The following VOPP1 variants were observed in gnomAD, a reference collection of about 807,000 sequenced individuals.
The protein encoded by VOPP1 is VOPP1 WW domain binding protein, also known as WW domain binding protein VOPP1.
Under a neutral mutation model 23.5 loss-of-function variants are expected in VOPP1, and 8 were observed. That is an observed-to-expected ratio of 0.34 (90% CI 0.20 to 0.61). The LOEUF (loss-of-function observed/expected upper bound fraction) is 0.61, where lower values mean the gene tolerates loss of function less well. VOPP1 is among the 20% of genes least tolerant of loss of function. The pLI, the probability that VOPP1 is intolerant of heterozygous loss-of-function variation, is 0.78. For synonymous variants in VOPP1, 83 were observed against 97.3 expected (o/e 0.85, Z 0.86); for missense variants, 174 against 238.1 (o/e 0.73, Z 1.77).
At chr7:55,467,440 C>T (rs926327663), downstream of VOPP1, among the ~76,000 whole-genome samples, 2 of 152,212 alleles carry the variant, frequency 1.3e-5, no homozygotes, top group Non-Finnish European at 2.9e-5. Flanking sequence ...GGCCTCAATG[C>T]GGAGCCTCTC....
Position 55,471,006 on chromosome 7 carries a change from C to T in VOPP1, c.*1849G>A, listed in dbSNP as rs1413058143. ...CATAATTTGCTATCAAAAAGACAAA[C>T]GAAATTTAGTCACGGACTTTTGGGT... On this transcript the variant is annotated 3_prime_UTR_variant, in exon 5 of 5. Transcript: ENST00000285279. The T allele has an allele frequency of 2.0e-5, 3 of 152,550 alleles. No homozygotes were observed. The highest frequency in any genetic ancestry group is 6.5e-5 in the Admixed American group (1 of 15,288). 9.4% of individuals were successfully genotyped at this position (152,550 alleles called of 1,614,324 possible). A position where few individuals can be genotyped will look rare whatever the true frequency, so the allele number is the denominator to read the frequency against.
intron 1 of VOPP1, among the ~76,000 whole-genome samples, chr7:55,538,439 T>C (rs1034675428): frequency 6.6e-6 from 1 of 152,228 alleles, no homozygotes; most frequent in African/African-American, 2.4e-5. Context: ...GCTAACTTGA[T>C]GCTCAAATAC....
Position 55,510,107 on chromosome 7 carries a change from C to T in VOPP1, c.113+10965G>A, listed in dbSNP as rs527758093. ...GAATTTTTATTTCTGCAACCAGTTACTGGTAGAAGGCCTGGAAATTATGGC... is the reference window on the plus strand; with the variant it reads ...GAATTTTTATTTCTGCAACCAGTTATTGGTAGAAGGCCTGGAAATTATGGC... On this transcript the variant is annotated intron_variant, in intron 2 of 4. Transcript: ENST00000285279. 7.9e-5 allele frequency among the ~76,000 whole-genome samples: 12 copies of T among 152,310 alleles called. No homozygotes were observed. In the South Asian group the frequency reaches 2.5e-3, roughly 32 times the overall value.
intron 1 of VOPP1, among the ~76,000 whole-genome samples, chr7:55,547,984 A>G (rs541611110): frequency 1.3e-5 from 2 of 152,112 alleles, no homozygotes; most frequent in South Asian, 4.1e-4. Flanking sequence ...ATTCCCCTCC[A>G]AGGGCTTTCT....
intron 1 of VOPP1, among the ~76,000 whole-genome samples, chr7:55,555,253 G>A (rs575208602): frequency 1.3e-5 from 2 of 152,318 alleles, no homozygotes; most frequent in East Asian, 3.9e-4. Context: ...AGGAGAGGGA[G>A]GGTGCTCTGC....
intron 1 of VOPP1, among the ~76,000 whole-genome samples, 166 bp downstream of exon 1, chr7:55,572,105 G>C (rs918375216): frequency 1.5e-4 from 23 of 151,510 alleles, no homozygotes; most frequent in Non-Finnish European, 3.1e-4. Flanking sequence ...CGTCACCAGG[G>C]TCCCGCACCT....
intron 1 of VOPP1, among the ~76,000 whole-genome samples, chr7:55,533,624 C>T (rs1343218265): frequency 6.6e-6 from 1 of 152,164 alleles, no homozygotes; most frequent in East Asian, 1.9e-4. Context: ...GCCTCAGCTT[C>T]TTCAGATGGA....
intron 1 of VOPP1, among the ~76,000 whole-genome samples, chr7:55,545,863 G>A (rs1584093504): frequency 1.3e-5 from 2 of 152,110 alleles, no homozygotes; most frequent in East Asian, 3.9e-4. Context: ...GAGCCCAGGA[G>A]TTTGAGACCA....
At chr7:55,538,873 A>G (rs1217028696) in intron 1 of VOPP1, among the ~76,000 whole-genome samples, 1 of 151,910 alleles carries the variant, frequency 6.6e-6, no homozygotes, top group Non-Finnish European at 1.5e-5. Context: ...ATATGATCCC[A>G]TCTGTGTACT....
chr7:55,524,621 C>T (rs143516618), intron 1 of VOPP1, among the ~76,000 whole-genome samples: 1 of 152,176 alleles, frequency 6.6e-6, no homozygotes. Flanking sequence ...AACTGAAAAA[C>T]GCCAAAATGA....
At position 55,492,417 on chromosome 7, in the gene VOPP1, A is replaced by T. The variant is rs751331179; in HGVS notation, c.193T>A (p.Phe65Ile). Residue 65 changes from phenylalanine to isoleucine, a missense_variant and splice_region_variant, in exon 4 of 5, where the codon TTC (phenylalanine) becomes ATC (isoleucine). Phe to Ile is a conservative substitution (Grantham distance 21). Transcript: ENST00000285279. ...LSIQRLWYFWFLLMMGVLFCC... is the reference protein window; with the variant it reads ...LSIQRLWYFWILLMMGVLFCC... ...AAAAGCACGCCCATCATCAGAAGGA[A>T]CCTGAGGAGAGTACAGACGTGAGGG... The T allele has an allele frequency of 6.2e-7, 1 of 1,610,252 alleles. No individual in the cohort carries two copies. The highest frequency in any genetic ancestry group is 1.1e-5 in the South Asian group (1 of 90,134).
intron 2 of VOPP1, among the ~76,000 whole-genome samples, chr7:55,508,153 C>T (rs1160492826): frequency 6.6e-6 from 1 of 152,090 alleles, no homozygotes; most frequent in African/African-American, 2.4e-5. Context: ...CCATTTTAAC[C>T]CTTGAGGAGC....
At chr7:55,540,861 G>C (rs1797103634) in intron 1 of VOPP1, among the ~76,000 whole-genome samples, 1 of 152,090 alleles carries the variant, frequency 6.6e-6, no homozygotes, top group Non-Finnish European at 1.5e-5. Flanking sequence ...ATCTCAAAAA[G>C]GGTCTGAGAA....
intron 1 of VOPP1, among the ~76,000 whole-genome samples, chr7:55,560,281 C>T (rs532664041): frequency 1.3e-5 from 2 of 152,306 alleles, no homozygotes; most frequent in African/African-American, 4.8e-5. Context: ...AAGATGTCAT[C>T]GTCCTAATCC....
chr7:55,464,079 G>A (rs756777829), intron 4 of VOPP1, among the ~76,000 whole-genome samples: 1 of 152,142 alleles, frequency 6.6e-6, no homozygotes, highest in African/African-American at 2.4e-5. Context: ...CACAGGCTGT[G>A]GTGGGTTGAA....
intron 3 of VOPP1, among the ~76,000 whole-genome samples, chr7:55,494,160 A>G (rs1793780559): frequency 6.6e-6 from 1 of 152,188 alleles, no homozygotes; most frequent in Non-Finnish European, 1.5e-5. Context: ...TGGTGATGTA[A>G]GGCTTAATGT....
At chr7:55,546,817 GC>G (rs1298965159) in intron 1 of VOPP1, among the ~76,000 whole-genome samples, 1 of 152,240 alleles carries the variant, frequency 6.6e-6, no homozygotes, top group Non-Finnish European at 1.5e-5. Flanking sequence ...AGGCCAGCAG[GC>G]CGAGAGCTCA....
At chr7:55,490,665 G>A (rs564969184) in intron 4 of VOPP1, among the ~76,000 whole-genome samples, 4 of 152,146 alleles carry the variant, frequency 2.6e-5, no homozygotes, top group African/African-American at 7.2e-5. Flanking sequence ...AGTGAGTGGC[G>A]GCTTTCATCT....
intron 1 of VOPP1, among the ~76,000 whole-genome samples, chr7:55,544,386 G>C (rs1200828313): frequency 1.3e-5 from 2 of 152,228 alleles, no homozygotes; most frequent in Non-Finnish European, 2.9e-5. Context: ...TAGGGCTGGT[G>C]GGGGAAGGAG....
Sources: allele counts gnomAD v4.1 joint callset (sites outside exome capture counted in the v4.1 genomes callset), GRCh38; gene constraint gnomAD v4.1.1; transcripts MANE v1.5; gene names NCBI Gene and HGNC (gene_info 2026-07-23, HGNC 2026-07-21).